DNAH7: variants seen among roughly 807,000 people sequenced by gnomAD.
DNAH7 encodes axonemal beta dynein heavy chain 7.
In DNAH7, 397 loss-of-function variants were observed where a neutral mutation model predicts 444.6. That is an observed-to-expected ratio of 0.89 (90% CI 0.82 to 0.97). DNAH7 has a LOEUF of 0.97. DNAH7 is among the 50% of genes least tolerant of loss of function. The probability of loss-of-function intolerance (pLI) is 0.00; values close to 1 mark genes in which losing one functional copy is unlikely to be tolerated. For synonymous variants in DNAH7, 1,636 were observed against 1,624.4 expected, an observed-to-expected ratio of 1.01 and a Z score of -0.17; for missense variants, 4,902 against 4,800.8, an observed-to-expected ratio of 1.02 and a Z score of -0.62.
chr2:195,867,932 G>C (rs1700443547), intron 40 of DNAH7, among the ~76,000 whole-genome samples: 1 of 151,804 alleles, frequency 6.6e-6, no homozygotes, highest in Non-Finnish European at 1.5e-5. Context: ...AGTTCTTCTG[G>C]GTCCACAGTT....
intron 3 of DNAH7, among the ~76,000 whole-genome samples, chr2:196,049,541 G>A (rs1050399003): frequency 6.6e-6 from 1 of 152,182 alleles, no homozygotes; most frequent in Admixed American, 6.5e-5. Context: ...ATTACTGCTG[G>A]AGAACTTCTA....
In DNAH7 at chr2:195,737,750, T is replaced by TTAAG. The variant is rs1692717770; in HGVS notation, c.*167_*170dup. ...TTTATTTCAGAACATTTCCTTACAT[T>TTAAG]TAAGTATGAGTCATATTAAGTTTAG... On this transcript the variant is annotated 3_prime_UTR_variant, in exon 65 of 65. Transcript: ENST00000312428. The TTAAG allele has an allele frequency of 4.2e-5, 25 of 589,526 alleles. 1 individual carries two copies. The South Asian group carries it at 4.8e-4, about 11-fold the overall frequency. The allele number at this position is 589,526 out of a possible 1,614,324, so 36.5% of individuals were successfully genotyped here.
At position 196,020,612 on chromosome 2, in the gene DNAH7, G is replaced by GTT. The variant is rs201513142; in HGVS notation, c.744-1319_744-1318dup. Among the ~76,000 whole-genome samples the GTT allele has an allele frequency of 3.1e-3, 417 of 133,644 alleles. 6 individuals carry two copies. The highest frequency in any genetic ancestry group is 5.0e-3 in the Non-Finnish European group (309 of 61,954). 87.7% of individuals were successfully genotyped at this position (133,644 alleles called of 152,430 possible). A position where few individuals can be genotyped will look rare whatever the true frequency, so the allele number is the denominator to read the frequency against. ...GAATGGGGAATAATTTGGGGCTTTT[G>GTT]TTTTTTTTTTTTTTTTGAGATGGAG... On this transcript the variant is annotated intron_variant, in intron 8 of 64. Transcript: ENST00000312428.
intron 12 of DNAH7, among the ~76,000 whole-genome samples, chr2:195,991,005 A>C (rs1574966108): frequency 6.8e-6 from 1 of 147,088 alleles, no homozygotes; most frequent in South Asian, 2.1e-4. Flanking sequence ...GTTTAAAATC[A>C]TTTTATTGAT....
At position 195,740,818 on chromosome 2, in the gene DNAH7, ATCTT is replaced by A; in HGVS notation, c.11812_11815del (p.Lys3938SerfsTer18). On this transcript the variant is annotated frameshift_variant, in exon 64 of 65. Coordinates refer to ENST00000312428, the MANE Select transcript of DNAH7 (RefSeq NM_018897.3). LOFTEE classifies it high-confidence loss of function. ...GGGATGCGATTCTGCAAGTTTCTTGATCTTTCTATTCCAGGAAGCTCCATCCAGA... is the reference window on the plus strand; with the variant it reads ...GGGATGCGATTCTGCAAGTTTCTTGATCTATTCCAGGAAGCTCCATCCAGA... The A allele has an allele frequency of 6.4e-7, 1 of 1,569,972 alleles. No homozygotes were observed. The highest frequency in any genetic ancestry group is 8.6e-7 in the Non-Finnish European group (1 of 1,156,888).
intron 55 of DNAH7, among the ~76,000 whole-genome samples, chr2:195,797,482 G>T (rs192550841): frequency 6.6e-6 from 1 of 152,202 alleles, no homozygotes. Flanking sequence ...GAGAATGCAT[G>T]AGCAGGACCC....
In DNAH7 at chr2:196,039,060, A is replaced by C. The variant is rs544885346; in HGVS notation, c.398+8292T>G. Among the ~76,000 whole-genome samples, 23 of 152,326 alleles carry C rather than the reference A, an allele frequency of 1.5e-4. 1 individual carries two copies. The highest frequency in any genetic ancestry group is 6.8e-3 in the Middle Eastern group (2 of 294). ...TAGACATTTGCAAAATGTTCCTTTC[A>C]ATAGCTACAAAATATGCATTCTTCT... On this transcript the variant is annotated intron_variant, in intron 5 of 64. Coordinates refer to ENST00000312428, the MANE Select transcript of DNAH7 (RefSeq NM_018897.3).
chr2:195,957,093 T>G (rs1690718353), intron 19 of DNAH7, among the ~76,000 whole-genome samples, 168 bp downstream of exon 19: 1 of 152,178 alleles, frequency 6.6e-6, no homozygotes, highest in Non-Finnish European at 1.5e-5. Context: ...TACTTTTGCT[T>G]GCGACATTTT....
chr2:195,797,399 C>A (rs75965839), intron 55 of DNAH7, among the ~76,000 whole-genome samples: 1 of 152,106 alleles, frequency 6.6e-6, no homozygotes, highest in Non-Finnish European at 1.5e-5. Context: ...TTGTCACTAG[C>A]TGGTAGAGGC....
In DNAH7 at chr2:195,737,784, G is replaced by C; in HGVS notation, c.*137C>G. 1.4e-6 allele frequency: 1 copy of C among 717,412 alleles called. No individual in the cohort carries two copies. Among genetic ancestry groups the C allele is most frequent in the Non-Finnish European group, 2.3e-6 (1 of 444,156 alleles). The allele number at this position is 717,412 out of a possible 1,614,324, so 44.4% of individuals were successfully genotyped here. A position where few individuals can be genotyped will look rare whatever the true frequency, so the allele number is the denominator to read the frequency against. ...AGTCATATTAAGTTTAGCTGCATTT[G>C]CTCATAAGTAAATTCATAATTATAA... On this transcript the variant is annotated 3_prime_UTR_variant, in exon 65 of 65. Coordinates refer to ENST00000312428, the MANE Select transcript of DNAH7 (RefSeq NM_018897.3).
intron 54 of DNAH7, among the ~76,000 whole-genome samples, chr2:195,806,384 G>C (rs1696710937): frequency 6.6e-6 from 1 of 152,122 alleles, no homozygotes; most frequent in African/African-American, 2.4e-5. Context: ...ACAGATTCTA[G>C]TCTATCAGCT....
chr2:195,983,112 T>C lies in DNAH7; in HGVS notation c.1833+1520A>G, dbSNP rs180715186. Among the ~76,000 whole-genome samples the C allele has an allele frequency of 2.6e-5, 4 of 152,266 alleles. No homozygotes were observed. The East Asian group carries it at 5.8e-4, about 22-fold the overall frequency. On this transcript the variant is annotated intron_variant, in intron 15 of 64. Coordinates refer to ENST00000312428, the MANE Select transcript of DNAH7 (RefSeq NM_018897.3). ...TCCCCATAAATATATGCACCTGCTA[T>C]GTACCCATGAAAATTAAAAACAAAA...
At chr2:195,996,281 T>C (rs1254848270) in intron 12 of DNAH7, among the ~76,000 whole-genome samples, 1 of 152,208 alleles carries the variant, frequency 6.6e-6, no homozygotes, top group African/African-American at 2.4e-5. Context: ...TGCATTCTGC[T>C]CTCAGGATTA....
At chr2:196,067,579 G>C (rs1407130209) in intron 1 of DNAH7, among the ~76,000 whole-genome samples, 1 of 151,860 alleles carries the variant, frequency 6.6e-6, no homozygotes, top group Non-Finnish European at 1.5e-5. Context: ...TTTTTAAAAA[G>C]GTTCAAACCA....
Position 196,001,720 on chromosome 2 carries a change from A to C in DNAH7, c.1128T>G (p.Thr376=). ...CCGTGAAATCTTGCATGGAGACTAA[A>C]GTGAGGTCCTGCAGCTGTAAAGTCA... The part of the protein sequence containing the change: ...ALMTLQLQDL[T]LVSMQDFTDL... The change falls in exon 11 of 65, where the codon ACT becomes ACG. Residue 376 remains threonine (T), a synonymous_variant. Transcript: ENST00000312428. The C allele has an allele frequency of 6.3e-7, 1 of 1,598,988 alleles. No homozygotes were observed. The highest frequency in any genetic ancestry group is 2.3e-5 in the East Asian group (1 of 44,360).
intron 12 of DNAH7, chr2:195,994,125 T>C (rs1693537603): frequency 6.0e-6 from 1 of 166,786 alleles, no homozygotes; most frequent in South Asian, 1.9e-4. Flanking sequence ...CTGAAGTCTG[T>C]AGTTTACTTC....
chr2:195,803,977 T>G (rs1696592300), intron 54 of DNAH7, among the ~76,000 whole-genome samples: 1 of 152,178 alleles, frequency 6.6e-6, no homozygotes, highest in Admixed American at 6.5e-5. Context: ...ACTCTTACAT[T>G]TTTTCAAACT....
intron 19 of DNAH7, among the ~76,000 whole-genome samples, chr2:195,942,624 A>G (rs916558982): frequency 2.0e-5 from 3 of 152,172 alleles, no homozygotes; most frequent in African/African-American, 7.2e-5. Flanking sequence ...CTCATATAGA[A>G]GTATTTCTTC....
chr2:195,956,460 G>C (rs1690662289), intron 19 of DNAH7, among the ~76,000 whole-genome samples: 1 of 152,066 alleles, frequency 6.6e-6, no homozygotes. Context: ...AGACCAGCCT[G>C]GCCAACATGG....
Sources: gnomAD v4.1 joint callset for allele counts (sites outside exome capture counted in the v4.1 genomes callset) on GRCh38, gnomAD v4.1.1 for gene constraint, MANE v1.5 for transcripts, NCBI Gene and HGNC (gene_info 2026-07-23, HGNC 2026-07-21) for gene names.